CNTN5: variants seen among roughly 807,000 people sequenced by gnomAD.
CNTN5 encodes the protein contactin 5.
CNTN5 carries 77 observed loss-of-function variants against 129.1 expected under a neutral mutation model. The observed-to-expected ratio is 0.60, with a 90% CI of 0.50 to 0.72. CNTN5 has a LOEUF of 0.72. Ranked by LOEUF, CNTN5 falls within the 30% of genes least tolerant of loss-of-function variation. The pLI is 0.00. For missense variants in CNTN5, 1,478 were observed against 1,328.8 expected (o/e 1.11, Z -1.75); for synonymous variants, 509 against 465.6 (o/e 1.09, Z -1.20).
rs571295163 is a variant in CNTN5 at position 99,787,041 on chromosome 11, A to G, written c.56-32503A>G. On this transcript the variant is annotated intron_variant, in intron 3 of 24. Transcript: ENST00000524871. Reference sequence around the variant, plus strand: ...TATTGGCAAGTATGTTCGGATATGAATTTTAAATGTATGGAATGATAGTTT... The same window carrying G: ...TATTGGCAAGTATGTTCGGATATGAGTTTTAAATGTATGGAATGATAGTTT... 1.7e-4 allele frequency among the ~76,000 whole-genome samples: 26 copies of G among 152,060 alleles called. No homozygotes were observed. The South Asian group carries it at 5.2e-3, about 30-fold the overall frequency.
chr11:100,200,131 C>A (rs561113128), intron 15 of CNTN5, among the ~76,000 whole-genome samples: 1 of 151,896 alleles, frequency 6.6e-6, no homozygotes, highest in Non-Finnish European at 1.5e-5. Context: ...CTTGATGACA[C>A]CTAAGACAGT....
chr11:99,539,400 C>A (rs11220366), intron 2 of CNTN5, among the ~76,000 whole-genome samples: 2 of 151,842 alleles, frequency 1.3e-5, no homozygotes, highest in Admixed American at 1.3e-4. Context: ...CCCAAATTAT[C>A]GTTTTATTGT....
At chr11:99,880,714 A>C (rs1225976662) in intron 6 of CNTN5, among the ~76,000 whole-genome samples, 2 of 152,224 alleles carry the variant, frequency 1.3e-5, no homozygotes, top group African/African-American at 4.8e-5. Context: ...CCTTGACAAA[A>C]AATAATTTGT....
chr11:99,779,170 T>G (rs1945227544), intron 3 of CNTN5, among the ~76,000 whole-genome samples: 1 of 151,980 alleles, frequency 6.6e-6, no homozygotes, highest in Non-Finnish European at 1.5e-5. Flanking sequence ...ACAGTTTTCA[T>G]AAATGATTTC....
rs796946531 is a variant in CNTN5 at position 100,340,341 on chromosome 11, A to G, written c.2731-122A>G. On this transcript the variant is annotated intron_variant, in intron 21 of 24. Coordinates refer to ENST00000524871, the MANE Select transcript of CNTN5 (RefSeq NM_014361.4). ...TAGTAAGACCTGTTAATTGGGTGATATAGGAGTGATTTCTTCCTATGGGTG... is the reference window on the plus strand; with the variant it reads ...TAGTAAGACCTGTTAATTGGGTGATGTAGGAGTGATTTCTTCCTATGGGTG... 8 of 651,078 alleles carry G rather than the reference A, an allele frequency of 1.2e-5. No homozygotes were observed. In the African/African-American group the frequency reaches 1.3e-4, roughly 10 times the overall value. The allele number at this position is 651,078 out of a possible 1,614,324, so 40.3% of individuals were successfully genotyped here.
intron 6 of CNTN5, among the ~76,000 whole-genome samples, chr11:99,861,484 A>G (rs1321736127): frequency 6.6e-6 from 1 of 152,228 alleles, no homozygotes; most frequent in East Asian, 1.9e-4. Flanking sequence ...ACTTTCATGC[A>G]TGACTTTCAT....
At chr11:99,982,298 C>T (rs945235424) in intron 8 of CNTN5, among the ~76,000 whole-genome samples, 1 of 152,100 alleles carries the variant, frequency 6.6e-6, no homozygotes, top group Non-Finnish European at 1.5e-5. Context: ...TGAATTTCAT[C>T]ATAAGGCAAC....
intron 2 of CNTN5, among the ~76,000 whole-genome samples, chr11:99,526,222 A>G (rs12290185): frequency 0.16 from 24,395 of 152,174 alleles, 2,523 homozygotes; most frequent in African/African-American, 0.29. Flanking sequence ...ACGTGGTAGA[A>G]GAAGAAAAGA....
At chr11:99,432,528 C>CT (rs1348775539) in intron 2 of CNTN5, among the ~76,000 whole-genome samples, 1 of 96,834 alleles carries the variant, frequency 1.0e-5, no homozygotes, top group Admixed American at 1.2e-4. Flanking sequence ...GTCTTTGTTT[C>CT]TTTTTTAGGG....
At chr11:100,136,466 A>T (rs1946528587) in intron 13 of CNTN5, among the ~76,000 whole-genome samples, 1 of 152,118 alleles carries the variant, frequency 6.6e-6, no homozygotes. Context: ...TCCCTTGAAG[A>T]TTATATTTTC....
rs187387826 is a variant in CNTN5, at chr11:99,104,162, C to T, written c.-210+82892C>T. On this transcript the variant is annotated intron_variant, in intron 1 of 24. Coordinates refer to ENST00000524871, the MANE Select transcript of CNTN5 (RefSeq NM_014361.4). ...GACGTGGGATTAAATGTATTTTAAA[C>T]GTCATCTGACATAATGGTTGAAAGT... Among the ~76,000 whole-genome samples, 11 of 152,148 alleles carry T rather than the reference C, an allele frequency of 7.2e-5. No individual in the cohort carries two copies. In the East Asian group the frequency reaches 1.7e-3, roughly 24 times the overall value.
In CNTN5 at chr11:99,966,479, G is replaced by C. The variant is rs536375269; in HGVS notation, c.877+9470G>C. Among the ~76,000 whole-genome samples, 3 of 152,256 alleles carry C rather than the reference G, an allele frequency of 2.0e-5. No individual in the cohort carries two copies. In the South Asian group the frequency reaches 6.2e-4, roughly 32 times the overall value. ...CCACAGGACCAGAGCCTTACAAAAT[G>C]CACTCAGAATGGTCACCTTGGAGGG... On this transcript the variant is annotated intron_variant, in intron 8 of 24. Transcript: ENST00000524871.
chr11:100,329,522 A>C (rs1217176472), intron 21 of CNTN5, among the ~76,000 whole-genome samples: 1 of 152,174 alleles, frequency 6.6e-6, no homozygotes, highest in Non-Finnish European at 1.5e-5. Flanking sequence ...CAACTAACCC[A>C]AAAACTGCAC....
At chr11:99,323,596 T>C (rs1016621929) in intron 1 of CNTN5, among the ~76,000 whole-genome samples, 1 of 151,618 alleles carries the variant, frequency 6.6e-6, no homozygotes, top group Non-Finnish European at 1.5e-5. Flanking sequence ...TAGGGAAAAA[T>C]GATGCACTGT....
intron 6 of CNTN5, among the ~76,000 whole-genome samples, chr11:99,901,154 G>C (rs141155906): frequency 1.1e-4 from 17 of 152,268 alleles, no homozygotes; most frequent in African/African-American, 4.1e-4. Context: ...GTGGCAGGTA[G>C]TGAGTATTCA....
Position 100,070,556 on chromosome 11 carries a change from C to T in CNTN5, c.1295C>T (p.Pro432Leu), listed in dbSNP as rs568111205. ...CTGAAGAATGGAGTACCCCTCTCACCTCAGGTACTGTTGGGAGTTATTAAC... is the reference window on the plus strand; with the variant it reads ...CTGAAGAATGGAGTACCCCTCTCACTTCAGGTACTGTTGGGAGTTATTAAC... ...RWLKNGVPLS[P>L]QSRVEMVNGV... is the part of the protein sequence containing the mutation. Residue 432 changes from proline (P) to leucine (L), a missense_variant, in exon 11 of 25, where the codon CCT becomes CTT. Transcript: ENST00000524871. 1.2e-6 allele frequency: 2 copies of T among 1,612,742 alleles called. No individual in the cohort carries two copies. Among genetic ancestry groups the T allele is most frequent in the South Asian group, 1.1e-5 (1 of 90,998 alleles).
intron 1 of CNTN5, among the ~76,000 whole-genome samples, chr11:99,035,415 G>A (rs1159194696): frequency 6.6e-6 from 1 of 152,068 alleles, no homozygotes; most frequent in African/African-American, 2.4e-5. Context: ...AAGTCTCTTT[G>A]TAGGTCACTC....
intron 3 of CNTN5, among the ~76,000 whole-genome samples, chr11:99,669,751 T>C (rs1046325827): frequency 1.3e-4 from 20 of 152,158 alleles, no homozygotes; most frequent in African/African-American, 4.8e-4. Context: ...ATTCCGTGAT[T>C]CTGATCTACT....
At chr11:100,143,313 G>A (rs1435371747) in intron 13 of CNTN5, among the ~76,000 whole-genome samples, 1 of 152,032 alleles carries the variant, frequency 6.6e-6, no homozygotes, top group Non-Finnish European at 1.5e-5. Context: ...AAACACATTT[G>A]GTGAGTATTC....
Sources: gnomAD v4.1 joint callset for allele counts (sites outside exome capture counted in the v4.1 genomes callset) on GRCh38, gnomAD v4.1.1 for gene constraint, MANE v1.5 for transcripts, NCBI Gene and HGNC (gene_info 2026-07-23, HGNC 2026-07-21) for gene names.